The following ITGA7 variants were observed in gnomAD, a reference collection of about 807,000 sequenced individuals.
The protein encoded by ITGA7 is integrin subunit alpha 7.
Under a neutral mutation model 131.6 loss-of-function variants are expected in ITGA7, and 84 were observed. That is an observed-to-expected ratio of 0.64 (90% CI 0.54 to 0.77). The LOEUF (loss-of-function observed/expected upper bound fraction) is 0.77. ITGA7 is among the 30% of genes least tolerant of loss of function. The pLI, the probability that ITGA7 is intolerant of heterozygous loss-of-function variation, is 0.00. For synonymous variants in ITGA7, 548 were observed against 600.7 expected (o/e 0.91, Z 1.28); for missense variants, 1,399 against 1,482.9 (o/e 0.94, Z 0.93).
chr12:55,707,951 CCG>C, upstream of ITGA7: 1 of 1,336,478 alleles, frequency 7.5e-7, no homozygotes, highest in Non-Finnish European at 9.6e-7. Context: ...GGCCCCGCCT[CCG>C]GCCCCGCCCC....
intron 24 of ITGA7, chr12:55,686,419 G>T (rs1266828047): frequency 1.6e-6 from 1 of 618,474 alleles, no homozygotes; most frequent in Admixed American, 2.9e-5. Flanking sequence ...TGGGAGCAGG[G>T]AGCAAGCATC....
chr12:55,700,802 A>G (rs1483209774), intron 4 of ITGA7, 97 bp downstream of exon 4: 1 of 1,485,962 alleles, frequency 6.7e-7, no homozygotes, highest in Non-Finnish European at 9.4e-7. Flanking sequence ...ACAGCAGTGC[A>G]CATGTGGTCA....
chr12:55,698,351 C>A (rs979894170), intron 7 of ITGA7, 32 bp downstream of exon 7: 11 of 1,572,240 alleles, frequency 7.0e-6, no homozygotes, highest in Non-Finnish European at 9.5e-6. Flanking sequence ...GTGGCCCCTC[C>A]CTCCCTGAGC....
At position 55,685,139 on chromosome 12, in the gene ITGA7, G is replaced by A. The variant is rs747512414; in HGVS notation, c.3333C>T (p.Gly1111=). The A allele has an allele frequency of 1.2e-6, 2 of 1,613,342 alleles. No individual in the cohort carries two copies. Among genetic ancestry groups the A allele is most frequent in the Non-Finnish European group, 1.7e-6 (2 of 1,180,006 alleles). ...CAGCCAGGATGGGGTGTGCATCCGG[G>A]CCCTCCCGCCGGGGGCTGCCCCAGT... is the stretch of plus-strand genomic sequence containing the variant. ...RNNWGSPRRE[G]PDAHPILAAD... The change falls in exon 25 of 25, where the codon GGC becomes GGT. Residue 1111 remains glycine (G), a synonymous_variant. Coordinates refer to ENST00000257879, the MANE Select transcript of ITGA7 (RefSeq NM_002206.3).
At chr12:55,702,681 T>C in intron 3 of ITGA7, 191 bp downstream of exon 3, 1 of 638,522 alleles carries the variant, frequency 1.6e-6, no homozygotes, top group Admixed American at 2.3e-5. Context: ...GATGAATGAA[T>C]GGACAGACAT....
At chr12:55,695,269 C>G (rs759917344) in intron 14 of ITGA7, 29 of 597,734 alleles carry the variant, frequency 4.9e-5, no homozygotes, top group Non-Finnish European at 8.6e-5. Flanking sequence ...GGTTTGAAGA[C>G]TAACCAATGA....
At chr12:55,695,158 T>C (rs1017243257) in intron 14 of ITGA7, 188 bp from the exon 15 acceptor site, 1 of 624,562 alleles carries the variant, frequency 1.6e-6, no homozygotes, top group Non-Finnish European at 2.8e-6. Flanking sequence ...TCCGTTCTCA[T>C]CTCAGCTCCA....
chr12:55,699,767 T>G, intron 5 of ITGA7, 103 bp downstream of exon 5: 6 of 1,367,058 alleles, frequency 4.4e-6, no homozygotes, highest in Non-Finnish European at 6.1e-6. Context: ...TGGGTGTGTG[T>G]TGGGGGAGGA....
intron 1 of ITGA7, among the ~76,000 whole-genome samples, chr12:55,706,365 G>A (rs1489184898): frequency 2.0e-5 from 3 of 152,124 alleles, no homozygotes; most frequent in Admixed American, 2.0e-4. Context: ...AAAGATTAGA[G>A]CTAGGCCCCC....
At chr12:55,692,369 C>A (rs552508000) in intron 21 of ITGA7, among the ~76,000 whole-genome samples, 1 of 152,294 alleles carries the variant, frequency 6.6e-6, no homozygotes, top group Non-Finnish European at 1.5e-5. Context: ...GAGCTGAGAT[C>A]GTGCCACTGC....
chr12:55,712,391 C>T (rs1876202779), upstream of ITGA7: 1 of 714,448 alleles, frequency 1.4e-6, no homozygotes, highest in South Asian at 1.6e-5. Context: ...TATGTGAAGC[C>T]TTGTCTACTC....
intron 20 of ITGA7, 43 bp downstream of exon 20, chr12:55,693,098 C>T: frequency 6.2e-7 from 1 of 1,611,990 alleles, no homozygotes; most frequent in Non-Finnish European, 8.5e-7. Context: ...CTCCCCATAA[C>T]ATCTGTCCCC....
chr12:55,692,701 G>A lies in ITGA7; in HGVS notation c.2844+143C>T, dbSNP rs576759034. Reference sequence around the variant, plus strand: ...AAGGGGGTCTGCAGTGTCAGTAGCTGCCTCCCGGGCACCCCCTCCTATGAA... The same window carrying A: ...AAGGGGGTCTGCAGTGTCAGTAGCTACCTCCCGGGCACCCCCTCCTATGAA... On this transcript the variant is annotated intron_variant, in intron 21 of 24. Coordinates refer to ENST00000257879, the MANE Select transcript of ITGA7 (RefSeq NM_002206.3). The A allele has an allele frequency of 1.8e-4, 191 of 1,064,024 alleles. 2 individuals carry two copies. The African/African-American group carries it at 2.5e-3, about 14-fold the overall frequency. 65.9% of individuals were successfully genotyped at this position (1,064,024 alleles called of 1,614,324 possible).
At position 55,697,791 on chromosome 12, in the gene ITGA7, C is replaced by T; in HGVS notation, c.1313G>A (p.Ser438Asn). The change falls in exon 9 of 25, where the codon AGC (serine) becomes AAC (asparagine). Residue 438 changes from serine to asparagine, a missense_variant. By Grantham distance (46) the Ser-to-Asn change is conservative (BLOSUM62 1). Coordinates refer to ENST00000257879, the MANE Select transcript of ITGA7 (RefSeq NM_002206.3). ...GCTGCCTGACAGGGAGTAGCCGAAG[C>T]TCTTGATGCCCACAGCCTCGCCCTC... is the stretch of plus-strand genomic sequence containing the variant. ...VLEGEAVGIK[S>N]FGYSLSGSLD... 6.2e-7 allele frequency: 1 copy of T among 1,614,152 alleles called. No individual in the cohort carries two copies.
upstream of ITGA7, among the ~76,000 whole-genome samples, chr12:55,710,893 G>A (rs1045864301): frequency 1.3e-5 from 2 of 152,142 alleles, no homozygotes; most frequent in African/African-American, 4.8e-5. Context: ...CAAACATAAA[G>A]GAATAGCACA....
Position 55,684,700 on chromosome 12 carries a change from G to GT in ITGA7, c.*357_*358insA. On this transcript the variant is annotated 3_prime_UTR_variant, in exon 25 of 25. Coordinates refer to ENST00000257879, the MANE Select transcript of ITGA7 (RefSeq NM_002206.3). The stretch of plus-strand genomic sequence containing the variant: ...GAGTCAGTGACACAACCTCCTCCCC[G>GT]ACCCTCTAGGTTAAGGCACTTCCGG... 3.7e-6 allele frequency: 1 copy of GT among 267,374 alleles called. No homozygotes were observed. Among genetic ancestry groups the GT allele is most frequent in the Admixed American group, 4.8e-5 (1 of 20,942 alleles). The allele number at this position is 267,374 out of a possible 1,614,324, so 16.6% of individuals were successfully genotyped here. A position where few individuals can be genotyped will look rare whatever the true frequency, so the allele number is the denominator to read the frequency against.
chr12:55,708,357 A>G (rs1875673107), upstream of ITGA7, among the ~76,000 whole-genome samples: 1 of 152,012 alleles, frequency 6.6e-6, no homozygotes, highest in Non-Finnish European at 1.5e-5. Flanking sequence ...CTGTTCCCCC[A>G]TGGTCACATA....
intron 21 of ITGA7, among the ~76,000 whole-genome samples, chr12:55,692,457 A>C (rs1871643175): frequency 1.3e-5 from 2 of 152,382 alleles, no homozygotes; most frequent in Admixed American, 1.3e-4. Flanking sequence ...TACTGTAAAA[A>C]TCAAGCAAGT....
chr12:55,711,465 G>A (rs140541363), upstream of ITGA7, among the ~76,000 whole-genome samples: 1,965 of 146,374 alleles, frequency 0.013, 38 homozygotes, highest in African/African-American at 0.046. Context: ...GGGACACAGT[G>A]AGACTCTGCC....
Sources: allele counts gnomAD v4.1 joint callset (sites outside exome capture counted in the v4.1 genomes callset), GRCh38; gene constraint gnomAD v4.1.1; transcripts MANE v1.5; gene names NCBI Gene and HGNC (gene_info 2026-07-23, HGNC 2026-07-21).